VSIG1: variants seen among roughly 807,000 people sequenced by gnomAD.
VSIG1 encodes the protein V-set and immunoglobulin domain containing 1.
In VSIG1, 11 loss-of-function variants were observed where a neutral mutation model predicts 20.1. The observed-to-expected ratio is 0.55, with a 90% CI of 0.34 to 0.91. The LOEUF (loss-of-function observed/expected upper bound fraction) is 0.91. VSIG1 is among the 40% of genes least tolerant of loss of function. The pLI is 0.02. For missense variants in VSIG1, 283 were observed against 298.8 expected (o/e 0.95, Z 0.39); for synonymous variants, 126 against 116.7 (o/e 1.08, Z -0.52).
At chrX:108,024,277 G>T in the VSIG1 span, among the ~76,000 whole-genome samples, 1 of 110,941 alleles carries the variant, frequency 9.0e-6, no homozygotes, top group Admixed American at 9.6e-5. Flanking sequence ...AAAATTTTCT[G>T]TAAGGTCAGT....
chrX:108,023,267 A>C, the VSIG1 span, among the ~76,000 whole-genome samples: 1 of 111,864 alleles, frequency 8.9e-6, no homozygotes, highest in Non-Finnish European at 1.9e-5. Context: ...GTATTACATT[A>C]ATTTGTTTTC....
chrX:108,039,026 T>C, the VSIG1 span, among the ~76,000 whole-genome samples: 4 of 111,523 alleles, frequency 3.6e-5, no homozygotes, highest in East Asian at 2.8e-4. Context: ...GGCTGCCACA[T>C]TGGACAGCAC....
chrX:108,073,433 A>G, intron 5 of VSIG1, 64 bp downstream of exon 5: 1 of 1,160,620 alleles, frequency 8.6e-7, no homozygotes, highest in Non-Finnish European at 1.2e-6. Context: ...CTGTCAGACA[A>G]ATAAATTAGT....
At chrX:108,068,548 C>T (rs1054234574) in intron 3 of VSIG1, among the ~76,000 whole-genome samples, 15 of 111,558 alleles carry the variant, frequency 1.3e-4, no homozygotes, top group Admixed American at 1.2e-3. Context: ...CAAGATGTCT[C>T]ACATGGCTGG....
At chrX:108,029,346 C>G in the VSIG1 span, among the ~76,000 whole-genome samples, 87 of 111,389 alleles carry the variant, frequency 7.8e-4, 3 homozygotes, top group East Asian at 0.023. Flanking sequence ...TTGTGGAGGG[C>G]CTTTTTATTT....
At chrX:108,064,655 G>A in intron 2 of VSIG1, 1 of 569,129 alleles carries the variant, frequency 1.8e-6, no homozygotes, top group Non-Finnish European at 2.1e-6. Flanking sequence ...GTATCTCATT[G>A]TGATGTCATC....
At chrX:108,027,214 C>T in the VSIG1 span, among the ~76,000 whole-genome samples, 17 of 111,613 alleles carry the variant, frequency 1.5e-4, no homozygotes, top group East Asian at 4.2e-3. Flanking sequence ...AAAGAAAATC[C>T]TATGCATAAA....
the VSIG1 span, among the ~76,000 whole-genome samples, chrX:108,031,445 A>G: frequency 8.9e-6 from 1 of 111,873 alleles, no homozygotes; most frequent in African/African-American, 3.3e-5. Flanking sequence ...CCAGAGCTTG[A>G]GGATCAGCCA....
Position 108,072,810 on chromosome X carries a change from C to T in VSIG1, c.546C>T (p.Ile182=), listed in dbSNP as rs777401121. The change falls in exon 4 of 7, where the codon ATC becomes ATT. Residue 182 remains isoleucine, a synonymous_variant. Transcript: ENST00000217957. ...YYWHKLEGRD[I]VPVKENFNPT... ...GGCATAAACTTGAGGGAAGAGACAT[C>T]GTGCCAGTGAAAGAAAACTTCAGTA... 4 of 1,208,595 alleles carry T rather than the reference C, an allele frequency of 3.3e-6. No individual in the cohort carries two copies. In the African/African-American group the frequency reaches 5.3e-5, roughly 16 times the overall value.
At chrX:108,028,758 T>A in the VSIG1 span, among the ~76,000 whole-genome samples, 2 of 111,313 alleles carry the variant, frequency 1.8e-5, no homozygotes, top group Non-Finnish European at 3.8e-5. Context: ...GAAAGATATA[T>A]TGAGAGGTTA....
the VSIG1 span, among the ~76,000 whole-genome samples, chrX:108,033,244 G>T: frequency 7.1e-5 from 8 of 112,276 alleles, no homozygotes; most frequent in Non-Finnish European, 1.9e-5. Flanking sequence ...AAAAGAGTCA[G>T]GAGACCCATG....
chrX:108,026,206 C>G, the VSIG1 span, among the ~76,000 whole-genome samples: 1 of 111,689 alleles, frequency 9.0e-6, no homozygotes, highest in Non-Finnish European at 1.9e-5. Context: ...GAGGGAACAC[C>G]CAGATTTCTC....
intron 2 of VSIG1, 97 bp from the exon 3 acceptor site, chrX:108,066,839 T>C (rs1240880729): frequency 5.8e-5 from 49 of 840,021 alleles, no homozygotes; most frequent in Non-Finnish European, 8.2e-5. Context: ...AGATGCTGCT[T>C]CTTTATCAAA....
chrX:108,039,099 G>GC, the VSIG1 span, among the ~76,000 whole-genome samples: 15 of 111,344 alleles, frequency 1.3e-4, no homozygotes, highest in African/African-American at 4.6e-4. Context: ...GCTTATAATT[G>GC]CCCCCCATCA....
In VSIG1 at chrX:108,045,126, A is replaced by G. The variant is rs772448231; in HGVS notation, c.-5A>G. 4.2e-6 allele frequency: 5 copies of G among 1,187,104 alleles called. No homozygotes were observed. The highest frequency in any genetic ancestry group is 5.7e-6 in the Non-Finnish European group (5 of 881,697). ...CACCTGCTGCTCTCAACTAACCTCC[A>G]CACAATGGTGTTCGCATTTTGGAAG... is the stretch of plus-strand genomic sequence containing the variant. On this transcript the variant is annotated 5_prime_UTR_variant, in exon 1 of 7. Transcript: ENST00000217957.
intron 2 of VSIG1, among the ~76,000 whole-genome samples, chrX:108,061,202 A>C (rs1257241683): frequency 2.7e-5 from 3 of 112,841 alleles, no homozygotes; most frequent in Non-Finnish European, 5.6e-5. Flanking sequence ...AAAACATTCA[A>C]AATTCTGTGG....
chrX:108,063,612 C>T (rs1376303198), intron 2 of VSIG1, among the ~76,000 whole-genome samples: 1 of 111,419 alleles, frequency 9.0e-6, no homozygotes, highest in Non-Finnish European at 1.9e-5. Context: ...CCCTCCCAGC[C>T]ATTTCCCATA....
At chrX:108,029,415 A>G in the VSIG1 span, among the ~76,000 whole-genome samples, 1 of 111,530 alleles carries the variant, frequency 9.0e-6, no homozygotes, top group Non-Finnish European at 1.9e-5. Context: ...CTCTTTATTT[A>G]CTATGCTTTC....
the VSIG1 span, among the ~76,000 whole-genome samples, chrX:108,031,771 A>T: frequency 1.8e-5 from 2 of 112,467 alleles, no homozygotes; most frequent in Non-Finnish European, 3.8e-5. Flanking sequence ...ATCGTGTACA[A>T]CATGATCTTT....
Sources: gnomAD v4.1 joint callset for allele counts (sites outside exome capture counted in the v4.1 genomes callset) on GRCh38, gnomAD v4.1.1 for gene constraint, MANE v1.5 for transcripts, NCBI Gene and HGNC (gene_info 2026-07-23, HGNC 2026-07-21) for gene names.